The following LCORL variants were observed in gnomAD, a reference collection of about 807,000 sequenced individuals.
LCORL encodes ligand dependent nuclear receptor corepressor like, also known as ligand-dependent nuclear receptor corepressor-like protein.
In LCORL, 41 loss-of-function variants were observed where a neutral mutation model predicts 141.8. The ratio of observed to expected loss-of-function variants is 0.29; its 90% CI spans 0.23 to 0.38. The LOEUF is 0.38. Among genes scored for constraint, LCORL ranks in the 10% least tolerant of loss-of-function variants. The probability of loss-of-function intolerance (pLI) is 1.00; values close to 1 mark genes in which losing one functional copy is unlikely to be tolerated. For missense variants in LCORL, 1,759 were observed against 2,035.0 expected (o/e 0.86, Z 2.61); for synonymous variants, 618 against 694.1 (o/e 0.89, Z 1.72).
chr4:17,950,269 A>G (rs948629021), intron 4 of LCORL, among the ~76,000 whole-genome samples: 2 of 152,144 alleles, frequency 1.3e-5, no homozygotes, highest in African/African-American at 4.8e-5. Flanking sequence ...TCATCAAGGA[A>G]CATATGGAGA....
intron 4 of LCORL, among the ~76,000 whole-genome samples, chr4:17,925,640 G>T (rs1735003842): frequency 6.6e-6 from 1 of 152,082 alleles, no homozygotes; most frequent in African/African-American, 2.4e-5. Flanking sequence ...GGGAGGCCGA[G>T]GCAGGCAGAT....
chr4:17,856,545 T>C (rs1724387979), intron 7 of LCORL, among the ~76,000 whole-genome samples: 1 of 152,228 alleles, frequency 6.6e-6, no homozygotes, highest in South Asian at 2.1e-4. Context: ...CCATCTATGT[T>C]ATTTTGTTGT....
At chr4:17,966,589 T>G (rs1218970501) in intron 2 of LCORL, among the ~76,000 whole-genome samples, 1 of 152,140 alleles carries the variant, frequency 6.6e-6, no homozygotes, top group African/African-American at 2.4e-5. Flanking sequence ...GGGAAATATG[T>G]CTTCACTTAC....
chr4:17,939,338 T>C (rs1252308065), intron 4 of LCORL, among the ~76,000 whole-genome samples: 2 of 152,216 alleles, frequency 1.3e-5, no homozygotes, highest in African/African-American at 4.8e-5. Context: ...ACTCAAATAA[T>C]ATATTTTCTA....
At chr4:17,864,465 G>A (rs1463918163) in intron 7 of LCORL, among the ~76,000 whole-genome samples, 2 of 152,122 alleles carry the variant, frequency 1.3e-5, no homozygotes, top group East Asian at 1.9e-4. Flanking sequence ...ACCTTCCACA[G>A]TGGTGGGATT....
intron 4 of LCORL, among the ~76,000 whole-genome samples, chr4:17,915,663 A>T (rs1023114945): frequency 6.6e-6 from 1 of 152,322 alleles, no homozygotes; most frequent in East Asian, 1.9e-4. Context: ...ATATTACTGG[A>T]ATTATGTAAT....
intron 1 of LCORL, among the ~76,000 whole-genome samples, chr4:18,014,985 C>T (rs1208282429): frequency 1.3e-5 from 2 of 151,952 alleles, no homozygotes; most frequent in South Asian, 4.2e-4. Context: ...GTTATATATA[C>T]CAAAAGGAAG....
intron 1 of LCORL, among the ~76,000 whole-genome samples, chr4:18,019,389 T>G (rs1208896212): frequency 6.6e-6 from 1 of 152,174 alleles, no homozygotes; most frequent in South Asian, 2.1e-4. Flanking sequence ...AGGGCTTAAT[T>G]AGGATGGAGA....
intron 1 of LCORL, among the ~76,000 whole-genome samples, chr4:17,973,605 A>T (rs1046748600): frequency 1.3e-5 from 2 of 151,960 alleles, no homozygotes; most frequent in Non-Finnish European, 2.9e-5. Flanking sequence ...TCCTGATGGC[A>T]AAATAATTGA....
intron 4 of LCORL, among the ~76,000 whole-genome samples, chr4:17,929,927 T>C (rs538275494): frequency 4.6e-5 from 7 of 152,108 alleles, no homozygotes; most frequent in East Asian, 3.9e-4. Context: ...CATGCCAAAT[T>C]TGAAAAATGG....
intron 7 of LCORL, among the ~76,000 whole-genome samples, chr4:17,861,505 C>T (rs1397140708): frequency 1.3e-5 from 2 of 152,184 alleles, no homozygotes; most frequent in African/African-American, 2.4e-5. Flanking sequence ...GCCTCTGGGC[C>T]TGTGATGGGA....
chr4:17,885,536 A>C (rs1728151985), intron 6 of LCORL, among the ~76,000 whole-genome samples: 1 of 151,884 alleles, frequency 6.6e-6, no homozygotes, highest in African/African-American at 2.4e-5. Context: ...CCAACAGAAC[A>C]GCATTTCACT....
At chr4:17,878,191 C>G in exon 7 of LCORL, 2 of 1,229,608 alleles carry the variant, frequency 1.6e-6, no homozygotes, top group Non-Finnish European at 2.0e-6. Context: ...GTAGCTTCCT[C>G]TGATTTTGCA....
chr4:17,990,741 A>G (rs775717049), intron 1 of LCORL, among the ~76,000 whole-genome samples: 3 of 151,878 alleles, frequency 2.0e-5, no homozygotes, highest in Non-Finnish European at 4.4e-5. Context: ...ATCTCCACAA[A>G]GGGCCTCAGC....
chr4:18,019,664 T>C (rs564699664), intron 1 of LCORL, among the ~76,000 whole-genome samples: 4 of 150,698 alleles, frequency 2.7e-5, no homozygotes, highest in African/African-American at 9.7e-5. Flanking sequence ...ATACTTAATG[T>C]ATCTAAATAA....
At chr4:17,969,034 G>A (rs535777124) in intron 2 of LCORL, among the ~76,000 whole-genome samples, 1 of 152,312 alleles carries the variant, frequency 6.6e-6, no homozygotes, top group Admixed American at 6.5e-5. Flanking sequence ...AATATACACA[G>A]TCAGGTATAT....
intron 4 of LCORL, among the ~76,000 whole-genome samples, chr4:17,945,521 T>C (rs190237404): frequency 6.6e-6 from 1 of 152,028 alleles, no homozygotes; most frequent in East Asian, 1.9e-4. Context: ...CCCCTCCTTT[T>C]CTCCCTTTCC....
chr4:17,974,761 A>G (rs1023693623), intron 1 of LCORL, among the ~76,000 whole-genome samples: 7 of 152,256 alleles, frequency 4.6e-5, no homozygotes, highest in South Asian at 4.1e-4. Flanking sequence ...AATTTTAATC[A>G]TAAGCCCAGT....
At chr4:17,963,225 T>C (rs1354838713) in intron 2 of LCORL, among the ~76,000 whole-genome samples, 176 bp from the exon 3 acceptor site, 2 of 151,950 alleles carry the variant, frequency 1.3e-5, no homozygotes, top group Non-Finnish European at 2.9e-5. Context: ...GAGAAGGCTG[T>C]AAGGAGAGTA....
Sources: gnomAD v4.1 joint callset for allele counts (sites outside exome capture counted in the v4.1 genomes callset) on GRCh38, gnomAD v4.1.1 for gene constraint, MANE v1.5 for transcripts, NCBI Gene and HGNC (gene_info 2026-07-23, HGNC 2026-07-21) for gene names.